SZRD1: variants seen among roughly 807,000 people sequenced by gnomAD.
SZRD1 encodes SUZ RNA-binding domain-containing.
SZRD1 carries 7 observed loss-of-function variants against 17.6 expected under a neutral mutation model. That is an observed-to-expected ratio of 0.40 (90% CI 0.23 to 0.75). The LOEUF is 0.75. SZRD1 is among the 30% of genes least tolerant of loss of function. SZRD1 has a pLI of 0.38. For missense variants in SZRD1, 178 were observed against 201.8 expected (o/e 0.88, Z 0.71); for synonymous variants, 77 against 77.9 (o/e 0.99, Z 0.06).
At chr1:16,367,445 AGTT>A in intron 1 of SZRD1, 137 bp downstream of exon 1, 1 of 771,340 alleles carries the variant, frequency 1.3e-6, no homozygotes, top group Non-Finnish European at 2.0e-6. Flanking sequence ...AGAGGCCCCC[AGTT>A]CCTGAGCGCC....
rs1244385692 is a variant in SZRD1 at position 16,369,892 on chromosome 1, A to AC, written c.51+2584_51+2585insC. On this transcript the variant is annotated intron_variant, in intron 1 of 3. Transcript: ENST00000401088. ...CAACAAGAGTGAAACTCCATCAAAA[A>AC]AAAAAACAAAAAAAAAAAACTACAG... 4.7e-4 allele frequency among the ~76,000 whole-genome samples: 67 copies of AC among 142,828 alleles called. 1 individual carries two copies. Among genetic ancestry groups the AC allele is most frequent in the Middle Eastern group, 3.4e-3 (1 of 290 alleles). 93.7% of individuals were successfully genotyped at this position (142,828 alleles called of 152,430 possible).
At chr1:16,371,024 C>G (rs2082905205) in intron 1 of SZRD1, among the ~76,000 whole-genome samples, 1 of 152,204 alleles carries the variant, frequency 6.6e-6, no homozygotes, top group Non-Finnish European at 1.5e-5. Flanking sequence ...GTTATCCCCT[C>G]TTCCTACTGG....
At chr1:16,388,490 TG>T (rs936381311) in intron 1 of SZRD1, among the ~76,000 whole-genome samples, 2 of 152,082 alleles carry the variant, frequency 1.3e-5, no homozygotes, top group African/African-American at 4.8e-5. Context: ...TAGTTTCATA[TG>T]GTTAATCTAG....
In SZRD1 at chr1:16,391,769, TC is replaced by T. The variant is rs752717081; in HGVS notation, c.101+346del. Among the ~76,000 whole-genome samples the T allele has an allele frequency of 6.6e-6, 1 of 152,162 alleles. No homozygotes were observed. The highest frequency in any genetic ancestry group is 2.4e-5 in the African/African-American group (1 of 41,430). ...CATTTCCCAGATCTGGACATCAGTTTCTTTCTCTGTGGCATGAGGAGTGTGG... is the reference window on the plus strand; with the variant it reads ...CATTTCCCAGATCTGGACATCAGTTTTTTCTCTGTGGCATGAGGAGTGTGG... On this transcript the variant is annotated intron_variant, in intron 2 of 3. Coordinates refer to ENST00000401088, the MANE Select transcript of SZRD1 (RefSeq NM_001114600.3). The surrounding 1 kb of genome is among the most constrained non-coding windows in gnomAD (Gnocchi z 4.3).
chr1:16,370,188 A>G (rs2082889170), intron 1 of SZRD1, among the ~76,000 whole-genome samples: 1 of 150,614 alleles, frequency 6.6e-6, no homozygotes, highest in Admixed American at 6.6e-5. Context: ...ACCTGGGGAC[A>G]TGTGGAAAAT....
Position 16,393,843 on chromosome 1 carries a change from G to GA in SZRD1, c.356+367dup, listed in dbSNP as rs1000637382. ...TCTCTGGGCCTTAGTTTTCTCATCT[G>GA]AAAAAATGGGATAATAATAGTACCA... On this transcript the variant is annotated intron_variant, in intron 3 of 3. Transcript: ENST00000401088. The surrounding 1 kb of genome is among the most constrained non-coding windows in gnomAD (Gnocchi z 5.6). Among the ~76,000 whole-genome samples the GA allele has an allele frequency of 4.6e-5, 7 of 152,076 alleles. No homozygotes were observed. The highest frequency in any genetic ancestry group is 1.7e-4 in the African/African-American group (7 of 41,422).
intron 1 of SZRD1, among the ~76,000 whole-genome samples, chr1:16,388,678 CTTTTTTT>C (rs950662267): frequency 4.3e-5 from 4 of 92,164 alleles, no homozygotes; most frequent in South Asian, 7.6e-4. Flanking sequence ...AAGAATAAGT[CTTTTTTT>C]TTTTTTTTTT....
chr1:16,367,327 C>T lies in SZRD1; in HGVS notation c.51+19C>T. On this transcript the variant is annotated intron_variant, in intron 1 of 3. Transcript: ENST00000401088. ...CAGCGGGGTAAGGAGGAGCCGCCGT[C>T]CCATGGCAGGGCCGGGCGAGACCTG... is the stretch of plus-strand genomic sequence containing the variant. The T allele has an allele frequency of 6.5e-7, 1 of 1,547,304 alleles. No homozygotes were observed. The highest frequency in any genetic ancestry group is 8.7e-7 in the Non-Finnish European group (1 of 1,145,570).
At position 16,398,091 on chromosome 1, in the gene SZRD1, C is replaced by T. The variant is rs955997075; in HGVS notation, c.*2951C>T. On this transcript the variant is annotated 3_prime_UTR_variant, in exon 4 of 4. Coordinates refer to ENST00000401088, the MANE Select transcript of SZRD1 (RefSeq NM_001114600.3). ...CACCCTGCACCGCGGGCTCCTGAGTCGGCAGATTAAGCATTTTATAAATTG... is the reference window on the plus strand; with the variant it reads ...CACCCTGCACCGCGGGCTCCTGAGTTGGCAGATTAAGCATTTTATAAATTG... The T allele has an allele frequency of 1.1e-5, 9 of 811,852 alleles. No homozygotes were observed. In the East Asian group the frequency reaches 5.0e-4, roughly 45 times the overall value. 50.3% of individuals were successfully genotyped at this position (811,852 alleles called of 1,614,324 possible). A position where few individuals can be genotyped will look rare whatever the true frequency, so the allele number is the denominator to read the frequency against.
At chr1:16,372,299 C>A (rs375600096) in intron 1 of SZRD1, among the ~76,000 whole-genome samples, 2 of 152,034 alleles carry the variant, frequency 1.3e-5, no homozygotes, top group South Asian at 2.1e-4. Flanking sequence ...ATGGTGAAAC[C>A]CCGTCTCTAT....
intron 1 of SZRD1, among the ~76,000 whole-genome samples, chr1:16,373,936 T>C (rs1257445444): frequency 2.0e-5 from 3 of 152,122 alleles, no homozygotes; most frequent in Non-Finnish European, 2.9e-5. Context: ...ATCAGAACTT[T>C]GATTTTCTTC....
At chr1:16,367,944 G>A (rs1240967629) in intron 1 of SZRD1, 1 of 152,268 alleles carries the variant, frequency 6.6e-6, no homozygotes, top group Non-Finnish European at 1.5e-5. Flanking sequence ...AAAGCTCTGC[G>A]GGGCAGCTCC....
Position 16,393,155 on chromosome 1 carries a change from G to A in SZRD1, c.102-73G>A. On this transcript the variant is annotated intron_variant, in intron 2 of 3. Transcript: ENST00000401088. The surrounding 1 kb of genome is among the most constrained non-coding windows in gnomAD (Gnocchi z 5.6). Reference sequence around the variant, plus strand: ...GGGAGGGAGAGGAAAGTGATGAGAGGTGGGTGTGGGACATGGACAGGGCCT... The same window carrying A: ...GGGAGGGAGAGGAAAGTGATGAGAGATGGGTGTGGGACATGGACAGGGCCT... The A allele has an allele frequency of 6.4e-7, 1 of 1,554,200 alleles. No homozygotes were observed. Among genetic ancestry groups the A allele is most frequent in the Non-Finnish European group, 8.8e-7 (1 of 1,137,062 alleles).
chr1:16,377,290 G>A (rs1453020985), intron 1 of SZRD1, among the ~76,000 whole-genome samples: 2 of 151,998 alleles, frequency 1.3e-5, no homozygotes, highest in Non-Finnish European at 2.9e-5. Flanking sequence ...GAGCCTTGCA[G>A]TCATTATAAA....
Position 16,393,949 on chromosome 1 carries a change from C to T in SZRD1, c.356+467C>T, listed in dbSNP as rs1441605508. ...CCTGGGCTGGCAGAGTGGAAAGTAC[C>T]CCAGATAAGTGCTTTGATGATATTT... On this transcript the variant is annotated intron_variant, in intron 3 of 3. Coordinates refer to ENST00000401088, the MANE Select transcript of SZRD1 (RefSeq NM_001114600.3). The surrounding 1 kb of genome is among the most constrained non-coding windows in gnomAD (Gnocchi z 5.6). Among the ~76,000 whole-genome samples, 1 of 152,112 alleles carries T rather than the reference C, an allele frequency of 6.6e-6. No individual in the cohort carries two copies. Among genetic ancestry groups the T allele is most frequent in the Admixed American group, 6.6e-5 (1 of 15,266 alleles).
chr1:16,382,615 C>A (rs1182953298), intron 1 of SZRD1, among the ~76,000 whole-genome samples: 4 of 151,968 alleles, frequency 2.6e-5, no homozygotes, highest in Non-Finnish European at 4.4e-5. Flanking sequence ...CTGCCTCAGT[C>A]TCCCGAGCAG....
chr1:16,383,600 T>C (rs900623768), intron 1 of SZRD1, among the ~76,000 whole-genome samples: 3 of 151,380 alleles, frequency 2.0e-5, no homozygotes, highest in African/African-American at 7.3e-5. Context: ...TCTTTTTTTT[T>C]CTTTTCTTTC....
chr1:16,389,973 A>G (rs2085197066), intron 1 of SZRD1, among the ~76,000 whole-genome samples: 1 of 152,238 alleles, frequency 6.6e-6, no homozygotes. Context: ...GCTGTCCTGT[A>G]CACTGTAGGA....
rs1557631151 is a variant in SZRD1, at chr1:16,391,367, TC to T, written c.52-6del. ...TTTCCTCTTTTTATATACATTTTTT[TC>T]CTCTAGGAAATAGACAGACGGTTGG... On this transcript the variant is annotated splice_region_variant and splice_polypyrimidine_tract_variant and intron_variant, in intron 1 of 3. Transcript: ENST00000401088. The surrounding 1 kb of genome is among the most constrained non-coding windows in gnomAD (Gnocchi z 4.3). 2.6e-6 allele frequency: 4 copies of T among 1,538,812 alleles called. No individual in the cohort carries two copies. The highest frequency in any genetic ancestry group is 4.0e-5 in the Admixed American group (2 of 50,160).
Sources: allele counts gnomAD v4.1 joint callset (sites outside exome capture counted in the v4.1 genomes callset), GRCh38; gene constraint gnomAD v4.1.1; non-coding constraint Gnocchi (gnomAD v3.1); transcripts MANE v1.5; gene names NCBI Gene and HGNC (gene_info 2026-07-23, HGNC 2026-07-21).